RECQL5: variants seen among roughly 807,000 people sequenced by gnomAD.
RECQL5 encodes the protein RecQ like helicase 5.
RECQL5 carries 88 observed loss-of-function variants against 103.4 expected under a neutral mutation model. The ratio of observed to expected loss-of-function variants is 0.85; its 90% CI spans 0.72 to 1.02. RECQL5 has a LOEUF of 1.02. Among genes scored for constraint, RECQL5 ranks in the 50% least tolerant of loss-of-function variants. The pLI is 0.00. For synonymous variants in RECQL5, 552 were observed against 507.9 expected, an observed-to-expected ratio of 1.09 and a Z score of -1.17; for missense variants, 1,232 against 1,284.3, an observed-to-expected ratio of 0.96 and a Z score of 0.62.
At chr17:75,633,428 T>C in intron 8 of RECQL5, 1 of 1,288,150 alleles carries the variant, frequency 7.8e-7, no homozygotes, top group Non-Finnish European at 1.0e-6. Context: ...GGGCCAGGAG[T>C]GCGGTCACAG....
intron 8 of RECQL5, chr17:75,635,926 G>A: frequency 1.1e-6 from 1 of 929,098 alleles, no homozygotes; most frequent in Non-Finnish European, 1.3e-6. Flanking sequence ...GCAGCTGTCT[G>A]GCCTGCGGGA....
intron 7 of RECQL5, among the ~76,000 whole-genome samples, chr17:75,652,031 G>A (rs748258671): frequency 3.9e-5 from 6 of 151,900 alleles, no homozygotes; most frequent in Non-Finnish European, 5.9e-5. Context: ...GTTCGAGACC[G>A]GCCTTGCCAA....
intron 8 of RECQL5, chr17:75,648,839 A>C (rs2059520191): frequency 6.6e-6 from 1 of 150,392 alleles, no homozygotes; most frequent in African/African-American, 2.4e-5. Flanking sequence ...TGCCTGGCTA[A>C]TTGTGTTTTT....
intron 8 of RECQL5, 195 bp downstream of exon 8, chr17:75,650,991 C>T (rs1042282551): frequency 4.7e-6 from 7 of 1,505,324 alleles, no homozygotes; most frequent in Non-Finnish European, 5.3e-6. Flanking sequence ...AATCCCCACA[C>T]TGCGAGAGAT....
In RECQL5 at chr17:75,627,678, G is replaced by A; in HGVS notation, c.2820C>T (p.Gly940=). 1.9e-6 allele frequency: 3 copies of A among 1,608,480 alleles called. No individual in the cohort carries two copies. The highest frequency in any genetic ancestry group is 2.5e-6 in the Non-Finnish European group (3 of 1,177,258). Residue 940 remains glycine, a synonymous_variant, in exon 19 of 20, where the codon GGC becomes GGT. Transcript: ENST00000317905. The part of the protein sequence containing the change: ...GKFASKELFK[G]FARHLSHLLT... Reference sequence around the variant, plus strand: ...GCAAGTGTGAGAGGTGGCGGGCAAAGCCTTTAAACAACTCCTGGAAGGGAG... The same window carrying A: ...GCAAGTGTGAGAGGTGGCGGGCAAAACCTTTAAACAACTCCTGGAAGGGAG...
chr17:75,651,134 A>C, intron 8 of RECQL5, 52 bp downstream of exon 8: 1 of 1,613,796 alleles, frequency 6.2e-7, no homozygotes, highest in Admixed American at 1.7e-5. Flanking sequence ...CGTGCCGGGG[A>C]AGTAAATGAT....
intron 8 of RECQL5, 44 bp from the exon 9 acceptor site, chr17:75,631,712 T>TC (rs1369579518): frequency 6.3e-7 from 1 of 1,586,686 alleles, no homozygotes; most frequent in African/African-American, 1.3e-5. Context: ...GAGAGCCCAG[T>TC]CGGCCAGCGT....
At chr17:75,643,081 A>C (rs183869874) in intron 8 of RECQL5, among the ~76,000 whole-genome samples, 1 of 152,360 alleles carries the variant, frequency 6.6e-6, no homozygotes, top group East Asian at 1.9e-4. Flanking sequence ...GTGGTGCCCA[A>C]TGAGGCACCC....
At chr17:75,659,738 T>G (rs2059674342) in intron 6 of RECQL5, among the ~76,000 whole-genome samples, 1 of 152,194 alleles carries the variant, frequency 6.6e-6, no homozygotes, top group Non-Finnish European at 1.5e-5. Context: ...TAACTCAGGG[T>G]CACTGTGAGG....
chr17:75,630,689 G>C lies in RECQL5; in HGVS notation c.1648C>G (p.Arg550Gly). The C allele has an allele frequency of 6.2e-7, 1 of 1,613,582 alleles. No homozygotes were observed. The highest frequency in any genetic ancestry group is 1.1e-5 in the South Asian group (1 of 91,084). Residue 550 changes from arginine to glycine, a missense_variant, in exon 13 of 20, where the codon CGG becomes GGG. Arg to Gly is a moderately radical substitution (Grantham distance 125). Transcript: ENST00000317905. ...TCCAGAAGCCGCAGGCAGTGCTCCC[G>C]TGCCTGGCACAGGACAGTGAGACTG... ...RRIPRLTVKA[R>G]EHCLRLLEEA...
Position 75,627,522 on chromosome 17 carries a change from A to G in RECQL5, c.2876T>C (p.Val959Ala). 1.9e-6 allele frequency: 3 copies of G among 1,613,850 alleles called. No individual in the cohort carries two copies. Among genetic ancestry groups the G allele is most frequent in the Non-Finnish European group, 2.5e-6 (3 of 1,179,936 alleles). ...LTQKTSPGRS[V>A]KEEAQNLIRH... ...GATGAGGTTCTGGGCCTCTTCTTTC[A>G]CTACAGATTCAGGGTGGGGGCATGA... The change falls in exon 20 of 20, where the codon GTG (valine) becomes GCG (alanine). Residue 959 changes from valine (V) to alanine (A), a missense_variant and splice_region_variant. Val to Ala is a moderately conservative substitution (Grantham distance 64). Transcript: ENST00000317905.
intron 6 of RECQL5, among the ~76,000 whole-genome samples, chr17:75,659,449 C>T (rs9910627): frequency 0.47 from 72,099 of 152,066 alleles, 19,103 homozygotes; most frequent in Non-Finnish European, 0.6. Context: ...CCTCAACCCC[C>T]GGCCTCAAGC....
chr17:75,628,660 C>G lies in RECQL5; in HGVS notation c.2580+12G>C. ...CTTCTCTCCTCCCCAACAGACTCATCCCTGCCGGCACCTGCTGGGATCGAG... is the reference window on the plus strand; with the variant it reads ...CTTCTCTCCTCCCCAACAGACTCATGCCTGCCGGCACCTGCTGGGATCGAG... On this transcript the variant is annotated intron_variant, in intron 17 of 19. Coordinates refer to ENST00000317905, the MANE Select transcript of RECQL5 (RefSeq NM_004259.7). 6.3e-7 allele frequency: 1 copy of G among 1,580,700 alleles called. No homozygotes were observed. Among genetic ancestry groups the G allele is most frequent in the Non-Finnish European group, 8.5e-7 (1 of 1,170,454 alleles).
Position 75,662,897 on chromosome 17 carries a change from C to A in RECQL5, c.353G>T (p.Arg118Leu). Residue 118 changes from arginine to leucine, a missense_variant, in exon 4 of 20, where the codon CGA becomes CTA. Physicochemically the swap from Arg to Leu is moderately radical, Grantham distance 102. Coordinates refer to ENST00000317905, the MANE Select transcript of RECQL5 (RefSeq NM_004259.7). ...ERKELLADLE[R>L]EKPQTKILYI... is the part of the protein sequence containing the mutation. ...CAGAATCTTGGTCTGGGGCTTTTCTCGCTCCAGGTCAGCAAGCAGCTCCTT... is the reference window on the plus strand; with the variant it reads ...CAGAATCTTGGTCTGGGGCTTTTCTAGCTCCAGGTCAGCAAGCAGCTCCTT... 6.2e-7 allele frequency: 1 copy of A among 1,614,128 alleles called. No homozygotes were observed. Among genetic ancestry groups the A allele is most frequent in the Non-Finnish European group, 8.5e-7 (1 of 1,180,050 alleles).
chr17:75,630,533 A>G (rs1308450738), intron 13 of RECQL5, 86 bp downstream of exon 13: 15 of 1,442,458 alleles, frequency 1.0e-5, no homozygotes, highest in African/African-American at 2.8e-5. Flanking sequence ...GAGGTGGCCC[A>G]AACAGGCCAG....
Position 75,640,419 on chromosome 17 carries a change from G to T in RECQL5, c.1230-8751C>A. 1 of 1,446,448 alleles carries T rather than the reference G, an allele frequency of 6.9e-7. No individual in the cohort carries two copies. 89.6% of individuals were successfully genotyped at this position (1,446,448 alleles called of 1,614,324 possible). On this transcript the variant is annotated intron_variant, in intron 8 of 19. Transcript: ENST00000317905. The surrounding 1 kb of genome is among the most constrained non-coding windows in gnomAD (Gnocchi z 4.6). The stretch of plus-strand genomic sequence containing the variant: ...CAGCCAGAGGGCTGGCAGAGGTGGC[G>T]GGTGTCTGCCGGATCAAGGAGGAAA...
intron 8 of RECQL5, chr17:75,637,428 A>G (rs1359251791): frequency 2.0e-5 from 3 of 152,322 alleles, no homozygotes; most frequent in Non-Finnish European, 4.4e-5. Flanking sequence ...CACTGTCGGC[A>G]TTGTCGTCCC....
chr17:75,627,234 CAGAA>C lies in RECQL5; in HGVS notation c.*184_*187del, dbSNP rs942618850. The stretch of plus-strand genomic sequence containing the variant: ...GAGAAGGGTCTATAGGCTTTGCAAG[CAGAA>C]AGAAAGGTGGGCTGACCTCTGACCT... On this transcript the variant is annotated 3_prime_UTR_variant, in exon 20 of 20. Coordinates refer to ENST00000317905, the MANE Select transcript of RECQL5 (RefSeq NM_004259.7). The C allele has an allele frequency of 3.0e-6, 2 of 671,306 alleles. No homozygotes were observed. Among genetic ancestry groups the C allele is most frequent in the South Asian group, 1.6e-5 (1 of 64,226 alleles). The allele number at this position is 671,306 out of a possible 1,614,324, so 41.6% of individuals were successfully genotyped here. A position where few individuals can be genotyped will look rare whatever the true frequency, so the allele number is the denominator to read the frequency against.
At chr17:75,628,601 C>T in intron 17 of RECQL5, 71 bp downstream of exon 17, 1 of 1,510,570 alleles carries the variant, frequency 6.6e-7, no homozygotes. Context: ...ACCCCTTGAG[C>T]AGGGCACAAC....
Sources: gnomAD v4.1 joint callset for allele counts (sites outside exome capture counted in the v4.1 genomes callset) on GRCh38, gnomAD v4.1.1 for gene constraint, Gnocchi (gnomAD v3.1) non-coding constraint, MANE v1.5 for transcripts, NCBI Gene and HGNC (gene_info 2026-07-23, HGNC 2026-07-21) for gene names.